Variants in CAPZA1 observed in about 807,000 individuals in gnomAD.
CAPZA1 encodes the protein F-actin-capping protein subunit alpha-1.
CAPZA1 carries 10 observed loss-of-function variants against 40.8 expected under a neutral mutation model. The ratio of observed to expected loss-of-function variants is 0.25; its 90% confidence interval spans 0.15 to 0.42. The LOEUF is 0.42. Among genes scored for constraint, CAPZA1 ranks in the 10% least tolerant of loss-of-function variants. The pLI, the probability that CAPZA1 is intolerant of heterozygous loss-of-function variation, is 1.00. For synonymous variants in CAPZA1, 98 were observed against 115.0 expected (o/e 0.85, Z 0.95); for missense variants, 277 against 353.8 (o/e 0.78, Z 1.74).
intron 7 of CAPZA1, among the ~76,000 whole-genome samples, chr1:112,660,069 TTAA>T (rs907717540): frequency 5.3e-5 from 8 of 151,802 alleles, no homozygotes; most frequent in African/African-American, 1.9e-4. Context: ...AGATTTAAAA[TTAA>T]TAATAATAAT....
At chr1:112,640,615 GC>G (rs1671134569) in intron 1 of CAPZA1, among the ~76,000 whole-genome samples, 1 of 144,794 alleles carries the variant, frequency 6.9e-6, no homozygotes, top group South Asian at 2.2e-4. Flanking sequence ...TCAGCCCCCC[GC>G]CCGGCCAGCC....
At chr1:112,642,892 T>A (rs1277947702) in intron 1 of CAPZA1, among the ~76,000 whole-genome samples, 1 of 152,210 alleles carries the variant, frequency 6.6e-6, no homozygotes, top group South Asian at 2.1e-4. Flanking sequence ...ATAAGTAGTA[T>A]GTAAAATATG....
At chr1:112,653,794 G>A (rs936785370) in intron 4 of CAPZA1, 133 bp downstream of exon 4, 18 of 607,766 alleles carry the variant, frequency 3.0e-5, no homozygotes, top group East Asian at 1.2e-4. Flanking sequence ...TGTACTGTAC[G>A]TGTTAGGATA....
chr1:112,637,164 A>G (rs1380943275), intron 1 of CAPZA1, among the ~76,000 whole-genome samples: 1 of 152,238 alleles, frequency 6.6e-6, no homozygotes, highest in East Asian at 1.9e-4. Flanking sequence ...TAGACAAGGC[A>G]CTTACACTCC....
At chr1:112,621,761 G>GTT (rs11418884) in intron 1 of CAPZA1, among the ~76,000 whole-genome samples, 1,460 of 122,848 alleles carry the variant, frequency 0.012, 35 homozygotes, top group Non-Finnish European at 0.013. Flanking sequence ...TTGGGTTATG[G>GTT]TTTTTTTTTT....
chr1:112,656,894 G>C (rs1671510196), intron 5 of CAPZA1, among the ~76,000 whole-genome samples: 1 of 150,908 alleles, frequency 6.6e-6, no homozygotes, highest in Non-Finnish European at 1.5e-5. Context: ...GATTGAAACT[G>C]ACAGAAATTT....
intron 5 of CAPZA1, among the ~76,000 whole-genome samples, chr1:112,658,276 A>C (rs1302407057): frequency 1.3e-5 from 2 of 152,056 alleles, no homozygotes; most frequent in African/African-American, 2.4e-5. Context: ...AGACATCTCC[A>C]TCTGTAATTT....
chr1:112,663,284 T>C (rs965142557), intron 7 of CAPZA1, among the ~76,000 whole-genome samples: 5 of 151,996 alleles, frequency 3.3e-5, no homozygotes, highest in African/African-American at 1.2e-4. Flanking sequence ...TTGAATGTTC[T>C]TTTCAGTCCC....
At chr1:112,659,215 A>C (rs1671555584) in intron 6 of CAPZA1, 114 bp downstream of exon 6, 1 of 710,078 alleles carries the variant, frequency 1.4e-6, no homozygotes, top group Non-Finnish European at 2.5e-6. Flanking sequence ...TCAGTTTTCC[A>C]TCTATAAATG....
chr1:112,626,822 G>A (rs774885532), intron 1 of CAPZA1, among the ~76,000 whole-genome samples: 6 of 152,228 alleles, frequency 3.9e-5, no homozygotes, highest in Non-Finnish European at 8.8e-5. Flanking sequence ...CATACAGATT[G>A]TTAAGGCAGT....
chr1:112,638,765 T>C (rs1178151169), intron 1 of CAPZA1, among the ~76,000 whole-genome samples: 1 of 151,252 alleles, frequency 6.6e-6, no homozygotes, highest in East Asian at 1.9e-4. Context: ...TGAAACCCCA[T>C]CCCTACTAAA....
chr1:112,667,371 G>A (rs1390442550), intron 8 of CAPZA1, among the ~76,000 whole-genome samples: 6 of 152,034 alleles, frequency 3.9e-5, no homozygotes, highest in Admixed American at 6.6e-5. Context: ...CTTCTTAGTC[G>A]CTCTCTCAAT....
At chr1:112,660,526 C>T (rs752559071) in intron 7 of CAPZA1, among the ~76,000 whole-genome samples, 3 of 151,760 alleles carry the variant, frequency 2.0e-5, no homozygotes, top group Non-Finnish European at 4.4e-5. Flanking sequence ...GTGATCCACC[C>T]GCCTCGGCCT....
chr1:112,660,062 T>C (rs576097770), intron 7 of CAPZA1, among the ~76,000 whole-genome samples: 1 of 151,886 alleles, frequency 6.6e-6, no homozygotes, highest in Non-Finnish European at 1.5e-5. Flanking sequence ...TTAGGAAAGA[T>C]TTAAAATTAA....
Position 112,669,538 on chromosome 1 carries a change from A to G in CAPZA1, c.658-5A>G, listed in dbSNP as rs752331025. ...TGATTTTCCCCTTCTTCCTTCCTTC[A>G]TTAGAATGAAGCCCAAACTGCCAAG... On this transcript the variant is annotated splice_region_variant and splice_polypyrimidine_tract_variant and intron_variant, in intron 8 of 9. Transcript: ENST00000263168. 3.7e-6 allele frequency: 6 copies of G among 1,604,924 alleles called. No homozygotes were observed. In the Middle Eastern group the frequency reaches 5.0e-4, roughly 133 times the overall value.
chr1:112,621,869 C>A (rs1478779829), intron 1 of CAPZA1, among the ~76,000 whole-genome samples: 1 of 144,834 alleles, frequency 6.9e-6, no homozygotes, highest in African/African-American at 2.6e-5. Context: ...TCAAGCGATT[C>A]TCCTGCCTCA....
intron 1 of CAPZA1, among the ~76,000 whole-genome samples, chr1:112,630,850 G>A (rs553631893): frequency 2.6e-5 from 4 of 152,248 alleles, no homozygotes; most frequent in African/African-American, 7.2e-5. Context: ...TGTTAACAGT[G>A]GTAAAGTATA....
intron 1 of CAPZA1, among the ~76,000 whole-genome samples, chr1:112,625,185 A>G (rs756034034): frequency 2.6e-5 from 4 of 152,176 alleles, no homozygotes; most frequent in Non-Finnish European, 5.9e-5. Flanking sequence ...CTATCTGAGC[A>G]TCTGCCATCA....
intron 1 of CAPZA1, among the ~76,000 whole-genome samples, chr1:112,631,991 A>G (rs1203100662): frequency 6.6e-6 from 1 of 152,200 alleles, no homozygotes; most frequent in Non-Finnish European, 1.5e-5. Flanking sequence ...ATGCATGTTA[A>G]AACAGTAAAG....
Sources: allele counts gnomAD v4.1 joint callset (sites outside exome capture counted in the v4.1 genomes callset), GRCh38; gene constraint gnomAD v4.1.1; transcripts MANE v1.5; gene names NCBI Gene and HGNC (gene_info 2026-07-23, HGNC 2026-07-21).